The following PEX5L variants were observed in gnomAD, a reference collection of about 807,000 sequenced individuals.
PEX5L encodes PEX5-related protein.
PEX5L carries 30 observed loss-of-function variants against 84.0 expected under a neutral mutation model. That is an observed-to-expected ratio of 0.36 (90% CI 0.27 to 0.48). PEX5L has a LOEUF of 0.48. Ranked by LOEUF, PEX5L falls within the 20% of genes least tolerant of loss-of-function variation. The probability of loss-of-function intolerance (pLI) is 0.99; values close to 1 mark genes in which losing one functional copy is unlikely to be tolerated. For synonymous variants in PEX5L, 270 were observed against 283.1 expected (o/e 0.95, Z 0.46); for missense variants, 533 against 754.6 (o/e 0.71, Z 3.44).
At chr3:179,912,094 T>C (rs1765375888) in intron 2 of PEX5L, among the ~76,000 whole-genome samples, 2 of 152,164 alleles carry the variant, frequency 1.3e-5, no homozygotes, top group Non-Finnish European at 2.9e-5. Context: ...ATTTCTACTC[T>C]TTACTGGGCA....
At chr3:179,834,207 A>C (rs1418719753) in intron 8 of PEX5L, among the ~76,000 whole-genome samples, 1 of 152,180 alleles carries the variant, frequency 6.6e-6, no homozygotes, top group African/African-American at 2.4e-5. Context: ...GAGCCAAGGG[A>C]GAGTATTTCT....
intron 2 of PEX5L, chr3:179,901,844 A>G (rs1225344046): frequency 1.3e-5 from 2 of 152,228 alleles, no homozygotes; most frequent in Non-Finnish European, 2.9e-5. Flanking sequence ...AAATGGATGA[A>G]ACACAGGGAG....
At chr3:179,822,930 C>A (rs1377874074) in intron 8 of PEX5L, among the ~76,000 whole-genome samples, 1 of 152,088 alleles carries the variant, frequency 6.6e-6, no homozygotes, top group Non-Finnish European at 1.5e-5. Context: ...TCCATCATTG[C>A]CCTTTTGTGA....
chr3:179,939,744 G>C (rs1262235034), intron 2 of PEX5L, among the ~76,000 whole-genome samples: 2 of 152,186 alleles, frequency 1.3e-5, no homozygotes, highest in Non-Finnish European at 2.9e-5. Context: ...GGTTACAGCT[G>C]TGCACTCAGG....
chr3:179,955,481 T>TTC (rs1560903785), intron 2 of PEX5L, among the ~76,000 whole-genome samples: 27 of 22,800 alleles, frequency 1.2e-3, no homozygotes, highest in East Asian at 9.1e-3. Flanking sequence ...CTATGCTCTT[T>TTC]TTTTTTTTTT....
chr3:179,957,623 A>C (rs1436930937), intron 2 of PEX5L, among the ~76,000 whole-genome samples: 1 of 152,246 alleles, frequency 6.6e-6, no homozygotes, highest in African/African-American at 2.4e-5. Context: ...TTTTCAGAGC[A>C]CAGAAATATA....
intron 1 of PEX5L, among the ~76,000 whole-genome samples, chr3:179,972,974 G>C (rs1267945679): frequency 2.0e-5 from 3 of 152,148 alleles, no homozygotes; most frequent in Non-Finnish European, 4.4e-5. Context: ...GTCCTCATTT[G>C]AGGTTCCATT....
At chr3:179,831,185 G>T (rs140470552) in intron 8 of PEX5L, among the ~76,000 whole-genome samples, 1,761 of 151,772 alleles carry the variant, frequency 0.012, 41 homozygotes, top group African/African-American at 0.041. Flanking sequence ...CATGGTGGCG[G>T]GTGCCTGTAA....
intron 1 of PEX5L, among the ~76,000 whole-genome samples, chr3:179,991,905 T>A (rs965520161): frequency 6.6e-6 from 1 of 152,202 alleles, no homozygotes; most frequent in Non-Finnish European, 1.5e-5. Context: ...ATTTATTTGA[T>A]ACAAAAAAAT....
intron 8 of PEX5L, among the ~76,000 whole-genome samples, chr3:179,824,311 T>C (rs1259041555): frequency 6.6e-6 from 1 of 152,206 alleles, no homozygotes; most frequent in Non-Finnish European, 1.5e-5. Context: ...TCTGGATTTC[T>C]TTTTGCCTCT....
chr3:179,931,389 A>C (rs1191404956), intron 2 of PEX5L, among the ~76,000 whole-genome samples: 1 of 152,326 alleles, frequency 6.6e-6, no homozygotes, highest in East Asian at 1.9e-4. Context: ...CAATTTCATA[A>C]GGTCACTGAG....
intron 11 of PEX5L, among the ~76,000 whole-genome samples, chr3:179,811,180 A>C (rs1455479200): frequency 6.6e-6 from 1 of 151,856 alleles, no homozygotes. Context: ...ATGTATGTAC[A>C]TTCATATAAA....
chr3:180,028,470 A>C (rs1027241713), intron 1 of PEX5L, among the ~76,000 whole-genome samples: 3 of 152,242 alleles, frequency 2.0e-5, no homozygotes, highest in Admixed American at 6.5e-5. Context: ...GAAAAATATC[A>C]ATTTTAATGA....
chr3:179,929,602 C>A (rs1245543800), intron 2 of PEX5L, among the ~76,000 whole-genome samples: 1 of 151,126 alleles, frequency 6.6e-6, no homozygotes, highest in East Asian at 1.9e-4. Flanking sequence ...TAAGTATACA[C>A]AAAGAACAGG....
At chr3:179,864,167 C>T (rs2108588897) in intron 7 of PEX5L, among the ~76,000 whole-genome samples, 1 of 152,206 alleles carries the variant, frequency 6.6e-6, no homozygotes, top group South Asian at 2.1e-4. Context: ...TTTTTATCAG[C>T]AGCGGGAAAA....
intron 1 of PEX5L, among the ~76,000 whole-genome samples, chr3:180,028,136 C>T (rs1390505205): frequency 6.6e-6 from 1 of 152,138 alleles, no homozygotes; most frequent in East Asian, 1.9e-4. Flanking sequence ...ACCTTATTCC[C>T]ATACTGCCTT....
At chr3:179,984,574 T>C (rs1442096277) in intron 1 of PEX5L, among the ~76,000 whole-genome samples, 1 of 152,196 alleles carries the variant, frequency 6.6e-6, no homozygotes, top group Non-Finnish European at 1.5e-5. Context: ...AGACAAATGT[T>C]TGAACCACTG....
At chr3:179,944,540 A>G (rs1354709209) in intron 2 of PEX5L, among the ~76,000 whole-genome samples, 1 of 152,258 alleles carries the variant, frequency 6.6e-6, no homozygotes, top group Admixed American at 6.5e-5. Context: ...CCAGGAGCTT[A>G]ATAAATGTCA....
intron 2 of PEX5L, among the ~76,000 whole-genome samples, chr3:179,920,539 T>C (rs1768966836): frequency 6.6e-6 from 1 of 152,200 alleles, no homozygotes; most frequent in Non-Finnish European, 1.5e-5. Context: ...GGTTAACAGG[T>C]GAACCTTACG....
Sources: allele counts gnomAD v4.1 joint callset (sites outside exome capture counted in the v4.1 genomes callset), GRCh38; gene constraint gnomAD v4.1.1; transcripts MANE v1.5; gene names NCBI Gene and HGNC (gene_info 2026-07-23, HGNC 2026-07-21).